The following TENM2 variants were observed in gnomAD, a reference collection of about 807,000 sequenced individuals.
TENM2 encodes teneurin transmembrane protein 2.
Under a neutral mutation model 245.2 loss-of-function variants are expected in TENM2, and 52 were observed. The observed-to-expected ratio is 0.21, with a 90% CI of 0.17 to 0.27. The LOEUF (loss-of-function observed/expected upper bound fraction) is 0.27, where lower values mean the gene tolerates loss of function less well. TENM2 is among the 10% of genes least tolerant of loss of function. TENM2 has a pLI of 1.00. For synonymous variants in TENM2, 1,363 were observed against 1,438.9 expected, an observed-to-expected ratio of 0.95 and a Z score of 1.19; for missense variants, 3,046 against 3,666.8, an observed-to-expected ratio of 0.83 and a Z score of 4.37.
intron 2 of TENM2, among the ~76,000 whole-genome samples, chr5:167,669,105 G>A (rs1271647758): frequency 6.6e-6 from 1 of 152,152 alleles, no homozygotes; most frequent in African/African-American, 2.4e-5. Context: ...AAATAAAAGA[G>A]GAGGAGCATT....
At chr5:167,486,835 A>G (rs6555755) in intron 2 of TENM2, among the ~76,000 whole-genome samples, 137,777 of 152,134 alleles carry the variant, frequency 0.91, 63,193 homozygotes, top group Non-Finnish European at 0.99. Context: ...GCTTTAATCG[A>G]AGGACCAAAT....
chr5:167,951,966 C>A (rs1008865176), intron 3 of TENM2, among the ~76,000 whole-genome samples: 2 of 152,130 alleles, frequency 1.3e-5, no homozygotes, highest in East Asian at 3.9e-4. Context: ...GTCCAGATTT[C>A]CAGCTTTTCT....
At chr5:167,144,283 C>T in the TENM2 span, among the ~76,000 whole-genome samples, 2 of 152,102 alleles carry the variant, frequency 1.3e-5, no homozygotes, top group Non-Finnish European at 2.9e-5. Flanking sequence ...CTGACAATCA[C>T]GGATCTGAGG....
At chr5:167,491,595 C>T (rs1031459335) in intron 2 of TENM2, among the ~76,000 whole-genome samples, 4 of 152,104 alleles carry the variant, frequency 2.6e-5, no homozygotes, top group Admixed American at 6.6e-5. Flanking sequence ...AAAGGTTGTC[C>T]GCTGTTACCC....
At chr5:167,393,779 A>C (rs1390102194) in intron 2 of TENM2, among the ~76,000 whole-genome samples, 4 of 152,194 alleles carry the variant, frequency 2.6e-5, no homozygotes, top group African/African-American at 9.6e-5. Context: ...TAGGGAGAAC[A>C]GGAGGCTATT....
intron 2 of TENM2, among the ~76,000 whole-genome samples, chr5:167,534,875 T>C (rs1582316006): frequency 6.6e-6 from 1 of 152,168 alleles, no homozygotes; most frequent in South Asian, 2.1e-4. Flanking sequence ...TCCTGCAGAA[T>C]ACATGATGAC....
the TENM2 span, among the ~76,000 whole-genome samples, chr5:167,032,659 G>A: frequency 2.0e-5 from 3 of 152,080 alleles, no homozygotes; most frequent in East Asian, 1.9e-4. Flanking sequence ...TATGGGAATC[G>A]TGCAATGAAA....
At chr5:167,971,683 AGAGT>A (rs1781801431) in intron 4 of TENM2, among the ~76,000 whole-genome samples, 1 of 150,496 alleles carries the variant, frequency 6.6e-6, no homozygotes, top group African/African-American at 2.5e-5. Flanking sequence ...CCTGGGTGAC[AGAGT>A]GAGACTCCAT....
chr5:167,686,704 CA>C (rs1310783853), intron 2 of TENM2, among the ~76,000 whole-genome samples: 2 of 151,958 alleles, frequency 1.3e-5, no homozygotes, highest in East Asian at 1.9e-4. Context: ...TTTGAAAAAC[CA>C]AAAAGGATGG....
chr5:167,515,579 T>C (rs1228893903), intron 2 of TENM2, among the ~76,000 whole-genome samples: 5 of 101,184 alleles, frequency 4.9e-5, no homozygotes, highest in African/African-American at 1.9e-4. Flanking sequence ...TTGAAGAAGA[T>C]AGGTAGAGAA....
chr5:166,995,291 G>A, the TENM2 span, among the ~76,000 whole-genome samples: 3 of 151,680 alleles, frequency 2.0e-5, no homozygotes, highest in Non-Finnish European at 2.9e-5. Flanking sequence ...CCAGGCTGGA[G>A]TGCAGTGGCC....
chr5:168,010,615 A>G (rs1384674493), intron 5 of TENM2, among the ~76,000 whole-genome samples: 1 of 152,268 alleles, frequency 6.6e-6, no homozygotes, highest in Non-Finnish European at 1.5e-5. Flanking sequence ...AGTGTAAATG[A>G]GTAACAACTC....
chr5:168,247,853 T>C lies in TENM2; in HGVS notation c.6914T>C (p.Val2305Ala), dbSNP rs773756740. Residue 2305 changes from valine to alanine, a missense_variant, in exon 27 of 29, where the codon GTA becomes GCA. By Grantham distance (64) the Val-to-Ala change is moderately conservative. This residue lies in a region of TENM2 where 2,704 missense variants were observed against 3,331.9 expected (regional missense o/e 0.81). Transcript: ENST00000518659. This position sits in a 1 kb window ranked among gnomAD's most constrained non-coding sequence, Gnocchi z 7.8. ...AGTGTCCAGTACCGCTATGATGGCG[T>C]AGGACGGCGGGCTTCCTACAAGACC... 6.2e-7 allele frequency: 1 copy of C among 1,613,962 alleles called. No individual in the cohort carries two copies. Among genetic ancestry groups the C allele is most frequent in the Admixed American group, 1.7e-5 (1 of 60,024 alleles).
chr5:167,557,903 T>A (rs920425068), intron 2 of TENM2, among the ~76,000 whole-genome samples: 3 of 152,262 alleles, frequency 2.0e-5, no homozygotes, highest in Non-Finnish European at 2.9e-5. Flanking sequence ...GTTTACATTA[T>A]ACTCATTTTA....
At chr5:167,072,723 A>T in the TENM2 span, among the ~76,000 whole-genome samples, 2 of 152,222 alleles carry the variant, frequency 1.3e-5, no homozygotes, top group South Asian at 4.1e-4. Flanking sequence ...CTGTTATATG[A>T]TATACCCCAC....
At chr5:167,580,864 TTGTAATACCA>T (rs1775043137) in intron 2 of TENM2, among the ~76,000 whole-genome samples, 6 of 152,138 alleles carry the variant, frequency 3.9e-5, no homozygotes, top group Admixed American at 1.3e-4. Flanking sequence ...TGGCGCAAGC[TTGTAATACCA>T]GGTACTCAGG....
the TENM2 span, among the ~76,000 whole-genome samples, chr5:166,994,090 G>C: frequency 6.6e-6 from 1 of 152,104 alleles, no homozygotes; most frequent in East Asian, 1.9e-4. Context: ...CTACACAGCT[G>C]TGTTACATTC....
chr5:167,401,456 T>C (rs966770443), intron 2 of TENM2, among the ~76,000 whole-genome samples: 9 of 152,206 alleles, frequency 5.9e-5, no homozygotes, highest in African/African-American at 2.2e-4. Flanking sequence ...TCATAATTTA[T>C]ATAGCATTTG....
At chr5:167,121,455 C>T in the TENM2 span, among the ~76,000 whole-genome samples, 2 of 152,210 alleles carry the variant, frequency 1.3e-5, no homozygotes, top group African/African-American at 4.8e-5. Flanking sequence ...GTGCAAAGAC[C>T]CTAAAGCTAA....
Sources: gnomAD v4.1 joint callset for allele counts (sites outside exome capture counted in the v4.1 genomes callset) on GRCh38, gnomAD v4.1.1 for gene constraint, gnomAD v4.1.1 regional missense constraint, Gnocchi (gnomAD v3.1) non-coding constraint, MANE v1.5 for transcripts, NCBI Gene and HGNC (gene_info 2026-07-23, HGNC 2026-07-21) for gene names.